MKLN1: variants seen among roughly 807,000 people sequenced by gnomAD.
MKLN1 encodes the protein muskelin.
Under a neutral mutation model 99.0 loss-of-function variants are expected in MKLN1, and 18 were observed. The ratio of observed to expected loss-of-function variants is 0.18; its 90% confidence interval spans 0.13 to 0.27. MKLN1 has a LOEUF of 0.27. MKLN1 is among the 10% of genes least tolerant of loss of function. The pLI, the probability that MKLN1 is intolerant of heterozygous loss-of-function variation, is 1.00. For missense variants in MKLN1, 621 were observed against 875.9 expected, an observed-to-expected ratio of 0.71 and a Z score of 3.67; for synonymous variants, 288 against 293.2, an observed-to-expected ratio of 0.98 and a Z score of 0.18.
At chr7:131,344,540 C>T (rs562029147) in intron 1 of MKLN1, among the ~76,000 whole-genome samples, 4 of 152,132 alleles carry the variant, frequency 2.6e-5, no homozygotes, top group African/African-American at 7.2e-5. Context: ...TGGGATTACA[C>T]GTAGACCTTC....
intron 5 of MKLN1, among the ~76,000 whole-genome samples, chr7:131,397,690 A>G (rs1380802914): frequency 6.6e-6 from 1 of 152,178 alleles, no homozygotes; most frequent in African/African-American, 2.4e-5. Context: ...GAATTCAGGC[A>G]GTTTGGCTCC....
intron 3 of MKLN1, among the ~76,000 whole-genome samples, chr7:131,279,590 T>A (rs1798022482): frequency 1.3e-5 from 2 of 152,134 alleles, no homozygotes; most frequent in South Asian, 4.1e-4. Flanking sequence ...GGAGGATCAC[T>A]TGAGGCCAGG....
At chr7:131,401,017 A>G (rs949511923) in intron 6 of MKLN1, among the ~76,000 whole-genome samples, 1 of 152,098 alleles carries the variant, frequency 6.6e-6, no homozygotes, top group African/African-American at 2.4e-5. Context: ...TTGTTGGACA[A>G]ATAAGGAAGT....
At chr7:131,430,235 T>C (rs979971444) in intron 9 of MKLN1, among the ~76,000 whole-genome samples, 7 of 152,116 alleles carry the variant, frequency 4.6e-5, no homozygotes, top group African/African-American at 1.7e-4. Context: ...GCTGTGTCGT[T>C]AATCCTGGGG....
intron 1 of MKLN1, among the ~76,000 whole-genome samples, chr7:131,113,938 C>A (rs933797415): frequency 1.4e-4 from 22 of 152,202 alleles, no homozygotes; most frequent in Admixed American, 5.9e-4. Flanking sequence ...ATCGTGAGAA[C>A]AGCATGGAGG....
intron 2 of MKLN1, among the ~76,000 whole-genome samples, chr7:131,173,970 TTTTC>T (rs1444351247): frequency 8.0e-5 from 10 of 124,988 alleles, no homozygotes; most frequent in African/African-American, 1.2e-4. Flanking sequence ...ACCTTTTTCT[TTTTC>T]TTTTTTTTTT....
intron 1 of MKLN1, among the ~76,000 whole-genome samples, chr7:131,328,746 A>G (rs1798974564): frequency 6.6e-6 from 1 of 152,218 alleles, no homozygotes; most frequent in African/African-American, 2.4e-5. Context: ...GCTTTAATGA[A>G]TTTGATTTTC....
chr7:131,135,263 C>T (rs1353648985), intron 1 of MKLN1, among the ~76,000 whole-genome samples: 6 of 152,168 alleles, frequency 3.9e-5, no homozygotes, highest in African/African-American at 1.4e-4. Context: ...GCTGGGACTA[C>T]AGGCGCCCAC....
At chr7:131,485,402 A>G (rs1797244631) in intron 17 of MKLN1, among the ~76,000 whole-genome samples, 1 of 152,104 alleles carries the variant, frequency 6.6e-6, no homozygotes, top group African/African-American at 2.4e-5. Context: ...GAAAATCACC[A>G]TCATATAACT....
At chr7:131,358,061 C>G (rs766448901) in intron 1 of MKLN1, among the ~76,000 whole-genome samples, 1 of 152,000 alleles carries the variant, frequency 6.6e-6, no homozygotes, top group African/African-American at 2.4e-5. Context: ...TTTTTTCCCC[C>G]GCTTATCTTA....
chr7:131,345,237 C>T (rs12539822), intron 1 of MKLN1, among the ~76,000 whole-genome samples: 56,225 of 152,030 alleles, frequency 0.37, 10,561 homozygotes, highest in East Asian at 0.48. Context: ...TGCTTAAGAC[C>T]GGAAGTGTTT....
chr7:131,119,240 C>A (rs1398028365), intron 1 of MKLN1, among the ~76,000 whole-genome samples: 2 of 152,242 alleles, frequency 1.3e-5, no homozygotes. Context: ...CTCCAGAGGG[C>A]AGCATTAAAT....
chr7:131,207,681 A>G (rs965459140), intron 3 of MKLN1, among the ~76,000 whole-genome samples: 1 of 152,180 alleles, frequency 6.6e-6, no homozygotes, highest in Non-Finnish European at 1.5e-5. Flanking sequence ...GGCTGAGTCC[A>G]TGGGCCCAGC....
chr7:131,410,798 A>G (rs548832260), intron 6 of MKLN1, among the ~76,000 whole-genome samples: 40 of 152,336 alleles, frequency 2.6e-4, no homozygotes, highest in Non-Finnish European at 2.8e-4. Flanking sequence ...AATTATATTT[A>G]TGATAATGAT....
chr7:131,291,216 C>CGCCT (rs1181449339), intron 3 of MKLN1, among the ~76,000 whole-genome samples: 3 of 151,280 alleles, frequency 2.0e-5, no homozygotes, highest in Non-Finnish European at 4.4e-5. Context: ...CTGCAACCTC[C>CGCCT]GCCTCCCAGG....
At chr7:131,223,801 C>G (rs1414476709) in intron 3 of MKLN1, among the ~76,000 whole-genome samples, 2 of 152,072 alleles carry the variant, frequency 1.3e-5, no homozygotes, top group Admixed American at 1.3e-4. Flanking sequence ...GAGTCTTGCT[C>G]TGTTGCCAAG....
chr7:131,179,489 A>G (rs1796347752), intron 2 of MKLN1, among the ~76,000 whole-genome samples: 1 of 152,236 alleles, frequency 6.6e-6, no homozygotes, highest in Admixed American at 6.5e-5. Context: ...AAGGCAAATA[A>G]TTATGACTAA....
intron 2 of MKLN1, among the ~76,000 whole-genome samples, chr7:131,193,925 G>A (rs1796604302): frequency 6.6e-6 from 1 of 150,894 alleles, no homozygotes; most frequent in African/African-American, 2.4e-5. Flanking sequence ...ACAGGACCTT[G>A]TCCTTTTTCA....
In MKLN1 at chr7:131,223,699, C is replaced by G. The variant is rs190212626; in HGVS notation, c.-179+20725C>G. On this transcript the variant is annotated intron_variant, in intron 3 of 7. Transcript: ENST00000416992. ...GGCTGGAACTGATAGCGAATTCTTG[C>G]TAAGAAATGAGCTGATCACTTCTGA... 2.9e-3 allele frequency among the ~76,000 whole-genome samples: 443 copies of G among 152,282 alleles called. 1 individual carries two copies. Among genetic ancestry groups the G allele is most frequent in the Non-Finnish European group, 2.8e-3 (189 of 68,024 alleles).
Sources: allele counts gnomAD v4.1 joint callset (sites outside exome capture counted in the v4.1 genomes callset), GRCh38; gene constraint gnomAD v4.1.1; transcripts MANE v1.5; gene names NCBI Gene and HGNC (gene_info 2026-07-23, HGNC 2026-07-21).